Variants in KRT27 observed in about 807,000 individuals in gnomAD.
KRT27 encodes the protein keratin 27.
Under a neutral mutation model 45.3 loss-of-function variants are expected in KRT27, and 30 were observed. The observed-to-expected ratio is 0.66, with a 90% CI of 0.50 to 0.90. KRT27 has a LOEUF of 0.90. Ranked by LOEUF, KRT27 falls within the 40% of genes least tolerant of loss-of-function variation. The pLI is 0.00. For missense variants in KRT27, 610 were observed against 564.3 expected (o/e 1.08, Z -0.82); for synonymous variants, 204 against 223.9 (o/e 0.91, Z 0.79).
intron 3 of KRT27, 83 bp downstream of exon 3, chr17:40,780,217 A>G: frequency 7.6e-7 from 1 of 1,316,996 alleles, no homozygotes; most frequent in Middle Eastern, 2.5e-4. Flanking sequence ...ATGTTAATTT[A>G]AGACATTATA....
intron 5 of KRT27, among the ~76,000 whole-genome samples, chr17:40,779,134 C>T (rs2038288216): frequency 6.6e-6 from 1 of 152,164 alleles, no homozygotes; most frequent in Non-Finnish European, 1.5e-5. Context: ...TTCCTATCCC[C>T]CCATCCCCTT....
chr17:40,778,549 C>T (rs2038283510), intron 5 of KRT27, among the ~76,000 whole-genome samples: 1 of 152,236 alleles, frequency 6.6e-6, no homozygotes, highest in Non-Finnish European at 1.5e-5. Flanking sequence ...TCAGAGTCCT[C>T]TTTTGGAAAT....
Position 40,779,815 on chromosome 17 carries a change from T to C in KRT27, c.731A>G (p.Glu244Gly), listed in dbSNP as rs758954041. The C allele has an allele frequency of 6.2e-6, 10 of 1,614,098 alleles. No homozygotes were observed. The South Asian group carries it at 7.7e-5, about 12-fold the overall frequency. The change falls in exon 4 of 8, where the codon GAG (glutamate) becomes GGG (glycine). Residue 244 changes from glutamate (E) to glycine (G), a missense_variant. Coordinates refer to ENST00000301656, the MANE Select transcript of KRT27 (RefSeq NM_181537.4). ...QCAAGGNVNV[E>G]MNAAPGVDLT... ...GTCTACCCCGGGGGCCGCGTTCATC[T>C]CCACGTTCACGTTGCCTCCAGCCGC...
At chr17:40,781,975 G>T in intron 1 of KRT27, 75 bp downstream of exon 1, 1 of 1,284,500 alleles carries the variant, frequency 7.8e-7, no homozygotes, top group Non-Finnish European at 1.1e-6. Flanking sequence ...TATTGTGATA[G>T]CTTATACATT....
At chr17:40,777,805 T>C in intron 5 of KRT27, 73 bp from the exon 6 acceptor site, 1 of 1,418,610 alleles carries the variant, frequency 7.0e-7, no homozygotes, top group African/African-American at 1.4e-5. Flanking sequence ...ATTTAAGAGA[T>C]AATTAAGAGA....
At chr17:40,779,447 C>T (rs1358073543) in intron 5 of KRT27, 55 bp downstream of exon 5, 1 of 1,558,500 alleles carries the variant, frequency 6.4e-7, no homozygotes, top group Non-Finnish European at 8.7e-7. Flanking sequence ...AAATTCTCTT[C>T]GATTATTTTT....
At chr17:40,780,751 A>T (rs1487170800) in intron 2 of KRT27, among the ~76,000 whole-genome samples, 1 of 152,194 alleles carries the variant, frequency 6.6e-6, no homozygotes, top group Non-Finnish European at 1.5e-5. Context: ...CGGGAGGCTG[A>T]GGCGGGAGAA....
chr17:40,777,613 G>C lies in KRT27; in HGVS notation c.1092C>G (p.Thr364=). Residue 364 remains threonine (T), a synonymous_variant, in exon 6 of 8, where the codon ACC becomes ACG. Coordinates refer to ENST00000301656, the MANE Select transcript of KRT27 (RefSeq NM_181537.4). ...EEQLHQVRTE[T]EGQKLEYEQL... ...GCTCATACTCGAGCTTCTGGCCCTCGGTCTCGGTTCTGACCTGGTGCAGCT... is the reference window on the plus strand; with the variant it reads ...GCTCATACTCGAGCTTCTGGCCCTCCGTCTCGGTTCTGACCTGGTGCAGCT... 1 of 1,614,016 alleles carries C rather than the reference G, an allele frequency of 6.2e-7. No homozygotes were observed. Among genetic ancestry groups the C allele is most frequent in the Non-Finnish European group, 8.5e-7 (1 of 1,179,970 alleles).
chr17:40,782,355 A>C lies in KRT27; in HGVS notation c.139T>G (p.Cys47Gly). The C allele has an allele frequency of 6.2e-7, 1 of 1,614,156 alleles. No homozygotes were observed. The highest frequency in any genetic ancestry group is 8.5e-7 in the Non-Finnish European group (1 of 1,180,018). The stretch of plus-strand genomic sequence containing the variant: ...GCAGATGAGCTGCCCCCAAAAGCAC[A>C]AGAGAAGCCACTTCCAATGCCTGGC... ...GVPGIGSGFS[C>G]AFGGSSSAGG... is the part of the protein sequence containing the mutation. The change falls in exon 1 of 8, where the codon TGT becomes GGT. Residue 47 changes from cysteine (C) to glycine (G), a missense_variant. Coordinates refer to ENST00000301656, the MANE Select transcript of KRT27 (RefSeq NM_181537.4).
intron 1 of KRT27, 48 bp downstream of exon 1, chr17:40,782,002 G>T: frequency 6.6e-7 from 1 of 1,507,294 alleles, no homozygotes; most frequent in Non-Finnish European, 9.0e-7. Context: ...TCTGTGAGTG[G>T]CTAAACACTC....
rs2144155919 is a variant in KRT27 at position 40,776,851 on chromosome 17, G to A, written c.*148C>T. On this transcript the variant is annotated 3_prime_UTR_variant, in exon 8 of 8. Coordinates refer to ENST00000301656, the MANE Select transcript of KRT27 (RefSeq NM_181537.4). ...ACTTTTATTGAAACACCACCATAGA[G>A]AAAAAGCCAAAGAAATGGTACTATT... The A allele has an allele frequency of 1.5e-6, 1 of 673,512 alleles. No individual in the cohort carries two copies. The highest frequency in any genetic ancestry group is 2.8e-5 in the South Asian group (1 of 35,198). The allele number at this position is 673,512 out of a possible 1,614,324, so 41.7% of individuals were successfully genotyped here. A position where few individuals can be genotyped will look rare whatever the true frequency, so the allele number is the denominator to read the frequency against.
intron 6 of KRT27, 99 bp downstream of exon 6, chr17:40,777,416 T>C (rs957995143): frequency 6.5e-6 from 10 of 1,530,264 alleles, no homozygotes; most frequent in Admixed American, 1.7e-5. Flanking sequence ...AAGAGTATTA[T>C]CTATGCGTGA....
chr17:40,782,286 C>T lies in KRT27; in HGVS notation c.208G>A (p.Ala70Thr), dbSNP rs1394799993. The T allele has an allele frequency of 2.5e-6, 4 of 1,614,096 alleles. No homozygotes were observed. Among genetic ancestry groups the T allele is most frequent in the Admixed American group, 3.3e-5 (2 of 60,006 alleles). ...CCGTGCTCATTCCCTGTGAAGGCAG[C>T]ACAGGAAGCACTTCCCCCGCCCAGA... ...GGLGGGSASC[A>T]AFTGNEHGLL... Residue 70 changes from alanine to threonine, a missense_variant, in exon 1 of 8, where the codon GCT becomes ACT. Ala to Thr is a moderately conservative substitution (Grantham distance 58). Transcript: ENST00000301656.
At chr17:40,778,717 C>G (rs1423908219) in intron 5 of KRT27, among the ~76,000 whole-genome samples, 5 of 152,230 alleles carry the variant, frequency 3.3e-5, no homozygotes, top group Admixed American at 2.6e-4. Context: ...GACTTTTCCT[C>G]TGTCTATGCC....
At chr17:40,778,751 C>G (rs1169994925) in intron 5 of KRT27, among the ~76,000 whole-genome samples, 1 of 152,166 alleles carries the variant, frequency 6.6e-6, no homozygotes, top group Middle Eastern at 3.2e-3. Context: ...CTTGTAAGTG[C>G]TCTTAATTGA....
rs765464475 is a variant in KRT27 at position 40,782,036 on chromosome 17, A to G, written c.444+14T>C. On this transcript the variant is annotated intron_variant, in intron 1 of 7. Coordinates refer to ENST00000301656, the MANE Select transcript of KRT27 (RefSeq NM_181537.4). ...TCTCAGGAGTGCTAACACTCACGCC[A>G]TGGCGTTTCTTACCTGGTTCTTAAG... 1 of 1,601,812 alleles carries G rather than the reference A, an allele frequency of 6.2e-7. No individual in the cohort carries two copies. The highest frequency in any genetic ancestry group is 8.5e-7 in the Non-Finnish European group (1 of 1,177,494).
In KRT27 at chr17:40,782,448, C is replaced by G. The variant is rs139116362; in HGVS notation, c.46G>C (p.Gly16Arg). 1.0e-5 allele frequency: 16 copies of G among 1,604,698 alleles called. No homozygotes were observed. The highest frequency in any genetic ancestry group is 1.4e-5 in the Non-Finnish European group (16 of 1,175,626). The change falls in exon 1 of 8, where the codon GGG becomes CGG. Residue 16 changes from glycine (G) to arginine (R), a missense_variant. Physicochemically the swap from Gly to Arg is moderately radical, Grantham distance 125. Transcript: ENST00000301656. ...GAGAGCCTCACAGAGCCAGTGCCCC[C>G]GCAAGAGCCAAGTCTCCTGGAGGTA... ...SSTSRRLGSC[G>R]GTGSVRLSSG...
chr17:40,781,586 C>T lies in KRT27; in HGVS notation c.445-316G>A, dbSNP rs563601632. Among the ~76,000 whole-genome samples, 8 of 152,324 alleles carry T rather than the reference C, an allele frequency of 5.3e-5. No individual in the cohort carries two copies. The South Asian group carries it at 1.0e-3, about 20-fold the overall frequency. On this transcript the variant is annotated intron_variant, in intron 1 of 7. Coordinates refer to ENST00000301656, the MANE Select transcript of KRT27 (RefSeq NM_181537.4). ...CTGGGATTACAGGCATGTGCCACCA[C>T]GCTCGGCTAACTTTTGTAGTTTTAG... is the stretch of plus-strand genomic sequence containing the variant.
At chr17:40,777,992 G>T in intron 5 of KRT27, 1 of 467,376 alleles carries the variant, frequency 2.1e-6, no homozygotes, top group South Asian at 2.5e-5. Flanking sequence ...CTCTTCATAG[G>T]GCACAGACTG....
Sources: allele counts gnomAD v4.1 joint callset (sites outside exome capture counted in the v4.1 genomes callset), GRCh38; gene constraint gnomAD v4.1.1; transcripts MANE v1.5; gene names NCBI Gene and HGNC (gene_info 2026-07-23, HGNC 2026-07-21).